The following SENP1 variants were observed in gnomAD, a reference collection of about 807,000 sequenced individuals.
SENP1 encodes the protein sentrin-specific protease 1.
A neutral mutation model predicts 93.0 loss-of-function variants in SENP1; 21 were observed. The ratio of observed to expected loss-of-function variants is 0.23; its 90% CI spans 0.16 to 0.33. SENP1 has a LOEUF of 0.33. Ranked by LOEUF, SENP1 falls within the 10% of genes least tolerant of loss-of-function variation. SENP1 has a pLI of 1.00. For missense variants in SENP1, 591 were observed against 758.7 expected, an observed-to-expected ratio of 0.78 and a Z score of 2.60; for synonymous variants, 256 against 259.6, an observed-to-expected ratio of 0.99 and a Z score of 0.13.
At chr12:48,105,575 A>G (rs1039896505) in intron 1 of SENP1, 4 of 485,490 alleles carry the variant, frequency 8.2e-6, no homozygotes, top group African/African-American at 5.9e-5. Context: ...AGAAGTAGTC[A>G]AGAAATATCA....
At chr12:48,077,682 A>C (rs1272913961) in intron 6 of SENP1, among the ~76,000 whole-genome samples, 1 of 152,044 alleles carries the variant, frequency 6.6e-6, no homozygotes, top group African/African-American at 2.4e-5. Flanking sequence ...TGCTGCACCC[A>C]TTAACTCATC....
Position 48,078,215 on chromosome 12 carries a change from G to T in SENP1, c.553-3422C>A, listed in dbSNP as rs577253429. 1.5e-3 allele frequency among the ~76,000 whole-genome samples: 230 copies of T among 150,224 alleles called. 3 individuals carry two copies. Among genetic ancestry groups the T allele is most frequent in the African/African-American group, 5.3e-3 (217 of 41,040 alleles). On this transcript the variant is annotated intron_variant, in intron 6 of 17. Transcript: ENST00000549518. ...TGGCTTCTTTTTTGCATAGTTCATT[G>T]TTAACAGTGCATAGAAATACTACTA...
intron 15 of SENP1, 139 bp downstream of exon 15, chr12:48,047,862 A>G (rs1376941816): frequency 8.1e-6 from 5 of 613,914 alleles, no homozygotes; most frequent in Non-Finnish European, 1.4e-5. Flanking sequence ...ACTTACTTAG[A>G]TACAAAATAT....
chr12:48,091,117 G>GC (rs1053880591), intron 4 of SENP1, among the ~76,000 whole-genome samples: 6 of 152,122 alleles, frequency 3.9e-5, no homozygotes, highest in African/African-American at 1.4e-4. Flanking sequence ...GCAGGGACAA[G>GC]CAATACTTTT....
rs1941582338 is a variant in SENP1, at chr12:48,049,012, T to G, written c.1528A>C (p.Lys510Gln). The change falls in exon 14 of 18, where the codon AAA (lysine) becomes CAA (glutamine). Residue 510 changes from lysine to glutamine, a missense_variant. Lys to Gln is a moderately conservative substitution (Grantham distance 53, BLOSUM62 1). Coordinates refer to ENST00000549518, the MANE Select transcript of SENP1 (RefSeq NM_001267594.2). The stretch of plus-strand genomic sequence containing the variant: ...ACATCTACTTTCTTTGTCCAACGTT[T>G]CACTGCCTGATAACCAGCCGTTTTT... The part of the protein sequence containing the change: ...KLKTAGYQAV[K>Q]RWTKKVDVFS... The G allele has an allele frequency of 1.2e-6, 2 of 1,613,700 alleles. No individual in the cohort carries two copies. The highest frequency in any genetic ancestry group is 2.7e-5 in the African/African-American group (2 of 74,906).
intron 4 of SENP1, among the ~76,000 whole-genome samples, chr12:48,091,743 A>G (rs1361334281): frequency 6.6e-6 from 1 of 152,074 alleles, no homozygotes; most frequent in African/African-American, 2.4e-5. Flanking sequence ...CAGTGGCACC[A>G]TCATGGCTCA....
intron 4 of SENP1, among the ~76,000 whole-genome samples, chr12:48,089,929 A>G (rs1380902466): frequency 6.6e-6 from 1 of 152,250 alleles, no homozygotes; most frequent in African/African-American, 2.4e-5. Context: ...AAAAGTATTT[A>G]ATGTATCTTT....
chr12:48,079,806 C>G (rs1362790344), intron 6 of SENP1, among the ~76,000 whole-genome samples: 1 of 151,930 alleles, frequency 6.6e-6, no homozygotes, highest in African/African-American at 2.4e-5. Context: ...AAATTACCAC[C>G]AATAACTTTA....
intron 5 of SENP1, chr12:48,085,247 C>T (rs1315053411): frequency 1.9e-6 from 3 of 1,550,834 alleles, no homozygotes; most frequent in Non-Finnish European, 2.7e-6. Flanking sequence ...ATGACACTGG[C>T]ATCATCCTCA....
intron 5 of SENP1, among the ~76,000 whole-genome samples, chr12:48,085,913 G>T (rs1300519575): frequency 6.6e-6 from 1 of 152,102 alleles, no homozygotes; most frequent in Admixed American, 6.6e-5. Flanking sequence ...GTGCGCCTAT[G>T]CATGTTTTTT....
chr12:48,062,343 C>A (rs1236936839), intron 13 of SENP1, among the ~76,000 whole-genome samples: 2 of 152,176 alleles, frequency 1.3e-5, no homozygotes, highest in African/African-American at 4.8e-5. Context: ...ATTTGGTGAG[C>A]TCTTTTTTTC....
intron 1 of SENP1, among the ~76,000 whole-genome samples, chr12:48,104,968 T>C (rs745939369): frequency 2.6e-5 from 4 of 152,218 alleles, no homozygotes; most frequent in Non-Finnish European, 4.4e-5. Flanking sequence ...ATCATGCTTA[T>C]AGAGATGCTT....
In SENP1 at chr12:48,043,671, A is replaced by T. The variant is rs1166487179; in HGVS notation, c.*1651T>A. The T allele has an allele frequency of 2.6e-5, 4 of 152,638 alleles. No individual in the cohort carries two copies. Among genetic ancestry groups the T allele is most frequent in the Non-Finnish European group, 4.4e-5 (3 of 68,032 alleles). 9.5% of individuals were successfully genotyped at this position (152,638 alleles called of 1,614,324 possible). ...AGGGAAAGAAAGAGAGAGAAAAAAC[A>T]AACACACAAAAGGTGGTCTTTCCCC... On this transcript the variant is annotated 3_prime_UTR_variant, in exon 18 of 18. Transcript: ENST00000549518.
intron 2 of SENP1, among the ~76,000 whole-genome samples, chr12:48,101,028 G>A (rs569032177): frequency 6.6e-6 from 1 of 152,350 alleles, no homozygotes; most frequent in African/African-American, 2.4e-5. Flanking sequence ...GCTCATGCCT[G>A]TAATCCCAGC....
In SENP1 at chr12:48,088,975, G is replaced by T; in HGVS notation, c.221-15C>A. On this transcript the variant is annotated splice_polypyrimidine_tract_variant and intron_variant, in intron 4 of 17. Transcript: ENST00000549518. ...GGAAGGATTATCTAAAAAAATAAAA[G>T]TTTGAATAAATTAAACAAATTCTAC... The T allele has an allele frequency of 6.4e-7, 1 of 1,573,150 alleles. No individual in the cohort carries two copies. Among genetic ancestry groups the T allele is most frequent in the African/African-American group, 1.4e-5 (1 of 72,754 alleles).
At chr12:48,047,432 T>G (rs991269393) in intron 15 of SENP1, among the ~76,000 whole-genome samples, 4 of 152,230 alleles carry the variant, frequency 2.6e-5, no homozygotes, top group African/African-American at 7.2e-5. Flanking sequence ...CTGGTACTAT[T>G]GAGGTATTTA....
chr12:48,056,700 TATATTAC>T (rs1173896745), intron 13 of SENP1, among the ~76,000 whole-genome samples: 1 of 91,266 alleles, frequency 1.1e-5, no homozygotes, highest in Admixed American at 1.8e-4. Flanking sequence ...TATTATTTAA[TATATTAC>T]ATATTACATA....
chr12:48,045,550 T>C (rs1049612762), intron 17 of SENP1, among the ~76,000 whole-genome samples, 166 bp from the exon 18 acceptor site: 1 of 152,204 alleles, frequency 6.6e-6, no homozygotes, highest in Non-Finnish European at 1.5e-5. Context: ...TTTCTTTTCA[T>C]TGCTTTTTCT....
At chr12:48,074,887 A>C (rs1464795837) in intron 6 of SENP1, 94 bp from the exon 7 acceptor site, 4 of 790,520 alleles carry the variant, frequency 5.1e-6, no homozygotes, top group Non-Finnish European at 4.1e-6. Flanking sequence ...AGCTCTGCCA[A>C]AGCTCAGGCA....
Sources: gnomAD v4.1 joint callset for allele counts (sites outside exome capture counted in the v4.1 genomes callset) on GRCh38, gnomAD v4.1.1 for gene constraint, MANE v1.5 for transcripts, NCBI Gene and HGNC (gene_info 2026-07-23, HGNC 2026-07-21) for gene names.